The following SUMF1 variants were observed in gnomAD, a reference collection of about 807,000 sequenced individuals.
SUMF1 encodes formylglycine-generating enzyme.
A neutral mutation model predicts 47.6 loss-of-function variants in SUMF1; 48 were observed. The ratio of observed to expected loss-of-function variants is 1.01; its 90% CI spans 0.80 to 1.28. The LOEUF (loss-of-function observed/expected upper bound fraction) is 1.28. Ranked by LOEUF, SUMF1 falls within the 50% of genes most tolerant of loss-of-function variation. SUMF1 has a pLI of 0.00. For missense variants in SUMF1, 571 were observed against 485.4 expected, an observed-to-expected ratio of 1.18 and a Z score of -1.66; for synonymous variants, 230 against 192.1, an observed-to-expected ratio of 1.20 and a Z score of -1.63.
At chr3:4,284,963 A>G (rs1396595004) in intron 8 of SUMF1, among the ~76,000 whole-genome samples, 2 of 152,100 alleles carry the variant, frequency 1.3e-5, no homozygotes, top group Non-Finnish European at 2.9e-5. Context: ...CTAAGCTTTC[A>G]CCCCCATTTA....
Position 4,410,929 on chromosome 3 carries a change from T to G in SUMF1, c.890A>C (p.Asn297Thr), listed in dbSNP as rs749715515. 7 of 1,613,982 alleles carry G rather than the reference T, an allele frequency of 4.3e-6. No individual in the cohort carries two copies. The highest frequency in any genetic ancestry group is 5.9e-6 in the Non-Finnish European group (7 of 1,179,952). Residue 297 changes from asparagine to threonine, a missense_variant, in exon 7 of 9, where the codon AAC becomes ACC. Physicochemically the swap from Asn to Thr is moderately conservative, Grantham distance 65. Transcript: ENST00000272902. ...NGYGLYNIVG[N>T]AWEWTSDWWT... ...CCAGTCTGAAGTCCATTCCCATGCG[T>G]TCCCCACTATGTTGTATAAGCCATA...
At chr3:4,365,600 C>T (rs1471729096) in intron 8 of SUMF1, among the ~76,000 whole-genome samples, 1 of 145,286 alleles carries the variant, frequency 6.9e-6, no homozygotes, top group Non-Finnish European at 1.5e-5. Flanking sequence ...TATTTTGAGC[C>T]TATGTGTGTC....
chr3:4,129,525 G>T (rs141436193), intron 8 of SUMF1, among the ~76,000 whole-genome samples: 2 of 152,098 alleles, frequency 1.3e-5, no homozygotes, highest in Non-Finnish European at 2.9e-5. Context: ...TTTCAGACTT[G>T]AGCCAGTTTA....
intron 2 of SUMF1, among the ~76,000 whole-genome samples, chr3:4,450,973 AC>A: frequency 6.6e-6 from 1 of 152,072 alleles, no homozygotes; most frequent in African/African-American, 2.4e-5. Context: ...CATTAAAAAA[AC>A]AGAGCATTTT....
chr3:4,119,061 A>T (rs12107799), intron 8 of SUMF1, among the ~76,000 whole-genome samples: 128 of 152,126 alleles, frequency 8.4e-4, no homozygotes, highest in African/African-American at 3.0e-3. Context: ...CCACTCCCCA[A>T]ACCCAAATCC....
chr3:4,391,806 A>G (rs1002511660), intron 7 of SUMF1, among the ~76,000 whole-genome samples: 1 of 149,608 alleles, frequency 6.7e-6, no homozygotes, highest in Non-Finnish European at 1.5e-5. Flanking sequence ...GGTTTGGATA[A>G]TTCCTTTTTC....
chr3:4,091,595 A>G (rs188077759), intron 8 of SUMF1, among the ~76,000 whole-genome samples: 31 of 152,246 alleles, frequency 2.0e-4, no homozygotes, highest in African/African-American at 7.0e-4. Flanking sequence ...AGCCTTTAAG[A>G]CAACCTCGAA....
chr3:4,385,289 T>C (rs1700635788), intron 7 of SUMF1, among the ~76,000 whole-genome samples: 1 of 152,246 alleles, frequency 6.6e-6, no homozygotes, highest in Non-Finnish European at 1.5e-5. Context: ...CTCTGTATCC[T>C]AGCCAGTCAC....
chr3:4,228,504 A>T (rs924940136), intron 8 of SUMF1, among the ~76,000 whole-genome samples: 3 of 152,074 alleles, frequency 2.0e-5, no homozygotes, highest in African/African-American at 7.2e-5. Flanking sequence ...GCCAATTAGA[A>T]CCAACTCTGA....
intron 8 of SUMF1, among the ~76,000 whole-genome samples, chr3:4,363,682 G>C (rs6771258): frequency 0.57 from 79,907 of 141,008 alleles, 23,073 homozygotes; most frequent in East Asian, 0.74. Flanking sequence ...GGGACAATTT[G>C]ACTTCCTCTT....
At chr3:4,352,402 T>C (rs754072672) in intron 8 of SUMF1, among the ~76,000 whole-genome samples, 19 of 151,980 alleles carry the variant, frequency 1.3e-4, no homozygotes, top group Non-Finnish European at 2.2e-4. Context: ...AGAGAAGACA[T>C]AGAACAACCA....
intron 1 of SUMF1, among the ~76,000 whole-genome samples, chr3:4,465,556 A>C (rs1267350969): frequency 6.6e-6 from 1 of 152,210 alleles, no homozygotes; most frequent in Non-Finnish European, 1.5e-5. Context: ...ATTAATATCA[A>C]GTATGGCCAA....
intron 8 of SUMF1, among the ~76,000 whole-genome samples, chr3:4,342,225 TATC>T (rs1382124953): frequency 2.6e-5 from 4 of 152,314 alleles, no homozygotes; most frequent in East Asian, 1.9e-4. Flanking sequence ...AGCTTTCTGT[TATC>T]ATCGTTGTTG....
chr3:4,082,009 G>T (rs1249224453), intron 8 of SUMF1, among the ~76,000 whole-genome samples: 1 of 152,054 alleles, frequency 6.6e-6, no homozygotes, highest in African/African-American at 2.4e-5. Context: ...CTCCAGAAGG[G>T]ATTATGCCTG....
chr3:4,367,262 G>A (rs1268341543), intron 8 of SUMF1, among the ~76,000 whole-genome samples: 2 of 152,120 alleles, frequency 1.3e-5, no homozygotes, highest in Non-Finnish European at 2.9e-5. Flanking sequence ...TGTCAGACAG[G>A]GACATTTAAG....
At position 4,050,058 on chromosome 3, in the gene SUMF1, TCTC is replaced by T. The variant is rs576661022; in HGVS notation, c.1191+18508_1191+18510del. On this transcript the variant is annotated intron_variant and NMD_transcript_variant, in intron 9 of 12. Coordinates refer to the SUMF1 transcript ENST00000448413. ...CGCCATTCTGCCACTTGTCTACTCTTCTCCTTGTCTGCTTCTGGAGCCTGCAGT... is the reference window on the plus strand; with the variant it reads ...CGCCATTCTGCCACTTGTCTACTCTTCTTGTCTGCTTCTGGAGCCTGCAGT... Among the ~76,000 whole-genome samples the T allele has an allele frequency of 2.4e-3, 369 of 151,934 alleles. 2 individuals carry two copies. Among genetic ancestry groups the T allele is most frequent in the African/African-American group, 8.5e-3 (351 of 41,472 alleles).
In SUMF1 at chr3:4,111,738, A is replaced by T. The variant is rs779452358; in HGVS notation, c.1015-42993T>A. On this transcript the variant is annotated intron_variant and NMD_transcript_variant, in intron 8 of 12. Transcript: ENST00000448413. ...TGGCGACAGAGCTAGACACCGTCTA[A>T]AAAAAACCCAAAAAAACCTTTATTG... 1.8e-4 allele frequency among the ~76,000 whole-genome samples: 27 copies of T among 152,024 alleles called. 2 individuals carry two copies. Among genetic ancestry groups the T allele is most frequent in the Non-Finnish European group, 2.2e-4 (15 of 68,022 alleles).
At chr3:4,182,674 T>C (rs1465703668) in intron 8 of SUMF1, among the ~76,000 whole-genome samples, 2 of 152,114 alleles carry the variant, frequency 1.3e-5, no homozygotes, top group East Asian at 1.9e-4. Context: ...ATTTTTATAA[T>C]GCAAATTTCA....
chr3:4,178,958 A>C (rs1243516005), intron 8 of SUMF1, among the ~76,000 whole-genome samples: 1 of 152,202 alleles, frequency 6.6e-6, no homozygotes, highest in Non-Finnish European at 1.5e-5. Context: ...CAAAGAGAAT[A>C]AAATACCCAG....
Sources: allele counts gnomAD v4.1 joint callset (sites outside exome capture counted in the v4.1 genomes callset), GRCh38; gene constraint gnomAD v4.1.1; transcripts MANE v1.5; gene names NCBI Gene and HGNC (gene_info 2026-07-23, HGNC 2026-07-21).